Variants in NAV3 observed in about 807,000 individuals in gnomAD.
NAV3 encodes the protein neuron navigator 3, also known as pore membrane and/or filament interacting like protein 1.
In NAV3, 87 loss-of-function variants were observed where a neutral mutation model predicts 244.7. The observed-to-expected ratio is 0.36, with a 90% CI of 0.30 to 0.42. The LOEUF (loss-of-function observed/expected upper bound fraction) is 0.42, where lower values mean the gene tolerates loss of function less well. Among genes scored for constraint, NAV3 ranks in the 20% least tolerant of loss-of-function variants. The pLI is 1.00. For missense variants in NAV3, 2,663 were observed against 2,893.3 expected, an observed-to-expected ratio of 0.92 and a Z score of 1.83; for synonymous variants, 1,126 against 1,042.2, an observed-to-expected ratio of 1.08 and a Z score of -1.55.
At chr12:77,736,254 C>G (rs1483819431) in intron 2 of NAV3, among the ~76,000 whole-genome samples, 3 of 152,174 alleles carry the variant, frequency 2.0e-5, no homozygotes, top group Non-Finnish European at 4.4e-5. Context: ...TATACACACA[C>G]TTATATGGGC....
chr12:78,120,675 A>C (rs1032653682), intron 15 of NAV3, among the ~76,000 whole-genome samples: 4 of 152,182 alleles, frequency 2.6e-5, no homozygotes, highest in Non-Finnish European at 4.4e-5. Context: ...TTAAATACCC[A>C]TGTGTTTTTA....
intron 5 of NAV3, among the ~76,000 whole-genome samples, chr12:77,991,107 C>A (rs1238060961): frequency 1.3e-5 from 2 of 152,182 alleles, no homozygotes; most frequent in Middle Eastern, 3.4e-3. Context: ...CTCACTGCAA[C>A]CTCCGCCTCC....
intron 12 of NAV3, among the ~76,000 whole-genome samples, chr12:78,060,465 GAA>G (rs1884166366): frequency 2.6e-5 from 4 of 151,714 alleles, no homozygotes; most frequent in Non-Finnish European, 4.4e-5. Flanking sequence ...GTGTGGGTGT[GAA>G]GCATGTGTAT....
At chr12:77,740,784 A>G (rs1488101172) in intron 2 of NAV3, among the ~76,000 whole-genome samples, 1 of 152,128 alleles carries the variant, frequency 6.6e-6, no homozygotes, top group Non-Finnish European at 1.5e-5. Flanking sequence ...GAGAAGGCTT[A>G]CTGGGGGGCT....
intron 2 of NAV3, among the ~76,000 whole-genome samples, chr12:77,697,671 T>C (rs1005103912): frequency 6.6e-6 from 1 of 152,158 alleles, no homozygotes; most frequent in Non-Finnish European, 1.5e-5. Flanking sequence ...TGGTTATATA[T>C]AGCAGATTGT....
At position 78,156,438 on chromosome 12, in the gene NAV3, G is replaced by A. The variant is rs575035102; in HGVS notation, c.4786-2765G>A. 3.2e-3 allele frequency among the ~76,000 whole-genome samples: 491 copies of A among 152,106 alleles called. 3 individuals carry two copies. Among genetic ancestry groups the A allele is most frequent in the Non-Finnish European group, 6.1e-3 (416 of 67,978 alleles). On this transcript the variant is annotated intron_variant, in intron 22 of 39. Coordinates refer to ENST00000397909, the MANE Select transcript of NAV3 (RefSeq NM_001024383.2). The stretch of plus-strand genomic sequence containing the variant: ...CTGCCATTCTAATCATAAACATTTT[G>A]TGGTTACTTATAGCTAGAAAATGTG...
At chr12:77,887,489 T>C (rs968062346) in intron 1 of NAV3, among the ~76,000 whole-genome samples, 2 of 152,152 alleles carry the variant, frequency 1.3e-5, no homozygotes, top group Admixed American at 6.6e-5. Flanking sequence ...TTCATATTTA[T>C]TTTTGTGATT....
intron 1 of NAV3, among the ~76,000 whole-genome samples, chr12:77,901,859 A>C (rs753740914): frequency 2.0e-5 from 3 of 152,002 alleles, no homozygotes; most frequent in African/African-American, 7.2e-5. Flanking sequence ...GGAGTCCCCA[A>C]ATTTGCTTGG....
chr12:78,128,759 GTTCTCA>G lies in NAV3; in HGVS notation c.4339_4344del (p.His1447_Ser1448del). On this transcript the variant is annotated inframe_deletion, in exon 18 of 40. Coordinates refer to ENST00000397909, the MANE Select transcript of NAV3 (RefSeq NM_001024383.2). ...CAAGAAGAGGGCAAAGAGTGGTTGCGTTCTCATTCTACTGGAGGGCTTCAGGACACT... is the reference window on the plus strand; with the variant it reads ...CAAGAAGAGGGCAAAGAGTGGTTGCGTTCTACTGGAGGGCTTCAGGACACT... 1 of 1,614,004 alleles carries G rather than the reference GTTCTCA, an allele frequency of 6.2e-7. No homozygotes were observed.
chr12:77,723,778 T>TTTTA (rs1165361705), intron 2 of NAV3, among the ~76,000 whole-genome samples: 13 of 147,722 alleles, frequency 8.8e-5, no homozygotes, highest in Non-Finnish European at 1.8e-4. Context: ...TTTTTTTTTT[T>TTTTA]ACATATATCT....
At chr12:77,887,966 A>G (rs992693550) in intron 1 of NAV3, among the ~76,000 whole-genome samples, 1 of 151,952 alleles carries the variant, frequency 6.6e-6, no homozygotes, top group African/African-American at 2.4e-5. Flanking sequence ...TAATGGGAAT[A>G]GATCGAATGT....
At chr12:78,182,684 G>A (rs746934217) in intron 30 of NAV3, among the ~76,000 whole-genome samples, 6 of 151,446 alleles carry the variant, frequency 4.0e-5, no homozygotes, top group Non-Finnish European at 7.4e-5. Flanking sequence ...AGAATTTAAG[G>A]CAATTTTTTA....
intron 18 of NAV3, among the ~76,000 whole-genome samples, chr12:78,135,616 A>C (rs1956340229): frequency 7.0e-6 from 1 of 143,456 alleles, no homozygotes; most frequent in African/African-American, 2.4e-5. Context: ...TAATTTAAAC[A>C]AGAGTAAATT....
intron 20 of NAV3, among the ~76,000 whole-genome samples, chr12:78,143,074 C>T (rs2853476): frequency 0.35 from 52,826 of 151,864 alleles, 9,538 homozygotes; most frequent in African/African-American, 0.4. Flanking sequence ...GAAAAAGCAA[C>T]TTATTATTTT....
At chr12:78,116,479 T>C (rs1374198866) in intron 12 of NAV3, among the ~76,000 whole-genome samples, 1 of 152,218 alleles carries the variant, frequency 6.6e-6, no homozygotes, top group Non-Finnish European at 1.5e-5. Context: ...TATTCTTTCC[T>C]GATACCATGC....
chr12:77,791,320 C>T (rs1871164041), intron 2 of NAV3, among the ~76,000 whole-genome samples: 2 of 145,754 alleles, frequency 1.4e-5, no homozygotes, highest in South Asian at 2.2e-4. Flanking sequence ...CACCATTGCA[C>T]TCCAGCCTGG....
At chr12:78,039,913 C>T (rs1015711502) in intron 9 of NAV3, among the ~76,000 whole-genome samples, 1 of 151,924 alleles carries the variant, frequency 6.6e-6, no homozygotes, top group African/African-American at 2.4e-5. Context: ...ACATAGGAAG[C>T]CTCTTTCAGG....
At chr12:78,127,806 G>T (rs1955982049) in intron 17 of NAV3, among the ~76,000 whole-genome samples, 1 of 151,930 alleles carries the variant, frequency 6.6e-6, no homozygotes, top group Admixed American at 6.6e-5. Context: ...CTATTTTGCA[G>T]GGGTACTGCT....
chr12:77,683,348 G>A (rs1244946583), intron 2 of NAV3, among the ~76,000 whole-genome samples: 4 of 151,434 alleles, frequency 2.6e-5, no homozygotes, highest in Admixed American at 6.6e-5. Context: ...TCTGGATACC[G>A]TACTTTGTTC....
Sources: gnomAD v4.1 joint callset for allele counts (sites outside exome capture counted in the v4.1 genomes callset) on GRCh38, gnomAD v4.1.1 for gene constraint, MANE v1.5 for transcripts, NCBI Gene and HGNC (gene_info 2026-07-23, HGNC 2026-07-21) for gene names.